Variants in RANBP2 observed in about 807,000 individuals in gnomAD.
RANBP2 encodes the protein E3 SUMO-protein ligase RanBP2.
A neutral mutation model predicts 303.6 loss-of-function variants in RANBP2; 57 were observed. That is an observed-to-expected ratio of 0.19 (90% CI 0.15 to 0.23). The LOEUF is 0.23. RANBP2 is among the 10% of genes least tolerant of loss of function. The pLI is 1.00. For synonymous variants in RANBP2, 1,167 were observed against 1,301.5 expected (o/e 0.90, Z 2.23); for missense variants, 3,138 against 3,780.8 (o/e 0.83, Z 4.46).
chr2:109,549,909 T>C, the RANBP2 span, among the ~76,000 whole-genome samples: 48,398 of 152,104 alleles, frequency 0.32, 8,876 homozygotes, highest in Middle Eastern at 0.51. Context: ...TAGTTGACCA[T>C]GGGTAACTGA....
the RANBP2 span, among the ~76,000 whole-genome samples, chr2:109,520,468 C>T: frequency 6.6e-6 from 1 of 151,268 alleles, no homozygotes; most frequent in African/African-American, 2.4e-5. Flanking sequence ...GGGGTGGTGG[C>T]ACATGCCTGT....
At chr2:109,203,468 C>T in the RANBP2 span, among the ~76,000 whole-genome samples, 4 of 152,182 alleles carry the variant, frequency 2.6e-5, no homozygotes, top group Admixed American at 6.5e-5. Flanking sequence ...TTCTTTAAGT[C>T]GCTTCTTAGT....
chr2:109,157,634 C>T, the RANBP2 span, among the ~76,000 whole-genome samples: 2 of 152,136 alleles, frequency 1.3e-5, no homozygotes, highest in African/African-American at 2.4e-5. Flanking sequence ...TAGTGTGCTT[C>T]CTAGCCACCT....
At chr2:108,771,573 T>G in intron 20 of RANBP2, 128 bp from the exon 21 acceptor site, 1 of 1,455,960 alleles carries the variant, frequency 6.9e-7, no homozygotes, top group Non-Finnish European at 9.2e-7. Flanking sequence ...TGCATCAAAG[T>G]ATATGTGTTT....
the RANBP2 span, among the ~76,000 whole-genome samples, chr2:109,386,408 A>G: frequency 6.6e-6 from 1 of 152,108 alleles, no homozygotes; most frequent in African/African-American, 2.4e-5. Context: ...TGACTGTTAC[A>G]AGAAGTTTAA....
the RANBP2 span, among the ~76,000 whole-genome samples, chr2:108,948,469 TG>T: frequency 1.3e-5 from 2 of 152,200 alleles, no homozygotes; most frequent in Non-Finnish European, 2.9e-5. Context: ...GTTCTCACAC[TG>T]CTATAAAGAT....
the RANBP2 span, among the ~76,000 whole-genome samples, chr2:109,541,143 C>T: frequency 1.3e-5 from 2 of 152,166 alleles, 1 homozygote; most frequent in African/African-American, 4.8e-5. Context: ...TTCATGGTTA[C>T]CCTAGAGATG....
chr2:109,387,681 T>C, the RANBP2 span, among the ~76,000 whole-genome samples: 2 of 152,230 alleles, frequency 1.3e-5, no homozygotes, highest in Non-Finnish European at 1.5e-5. Flanking sequence ...TTTTCCTCCA[T>C]GTACTTCTCA....
At chr2:109,021,447 C>T in the RANBP2 span, among the ~76,000 whole-genome samples, 7 of 148,062 alleles carry the variant, frequency 4.7e-5, no homozygotes, top group Admixed American at 3.4e-4. Flanking sequence ...GGCGTGAACC[C>T]GGGAGGCGGA....
chr2:109,012,929 C>CA, the RANBP2 span, among the ~76,000 whole-genome samples: 11 of 151,910 alleles, frequency 7.2e-5, no homozygotes, highest in South Asian at 2.1e-4. Flanking sequence ...ACAACAACAA[C>CA]AAAAAAAACT....
the RANBP2 span, among the ~76,000 whole-genome samples, chr2:109,048,848 A>G: frequency 6.6e-6 from 1 of 152,172 alleles, no homozygotes; most frequent in South Asian, 2.1e-4. Context: ...CTGTATCTAG[A>G]CCATGAAAAC....
chr2:109,180,153 G>A, the RANBP2 span, among the ~76,000 whole-genome samples: 2 of 151,350 alleles, frequency 1.3e-5, no homozygotes, highest in Admixed American at 1.3e-4. Flanking sequence ...CAGTCACACA[G>A]CTGGGCCCTG....
chr2:109,604,180 G>C, the RANBP2 span, among the ~76,000 whole-genome samples: 1 of 116,536 alleles, frequency 8.6e-6, no homozygotes, highest in Non-Finnish European at 1.8e-5. Flanking sequence ...AAAAAAAAAA[G>C]AATTAAAAAA....
At chr2:109,165,333 A>T in the RANBP2 span, among the ~76,000 whole-genome samples, 1 of 152,096 alleles carries the variant, frequency 6.6e-6, no homozygotes, top group East Asian at 1.9e-4. Flanking sequence ...TCCCTCCCTC[A>T]TCCTTCCTGC....
At chr2:108,809,394 A>G in the RANBP2 span, among the ~76,000 whole-genome samples, 3 of 151,864 alleles carry the variant, frequency 2.0e-5, no homozygotes, top group Non-Finnish European at 4.4e-5. Context: ...GAATCTGTAG[A>G]TGACTTTGGT....
the RANBP2 span, among the ~76,000 whole-genome samples, chr2:109,375,622 T>C: frequency 6.6e-6 from 1 of 152,202 alleles, no homozygotes; most frequent in Non-Finnish European, 1.5e-5. Flanking sequence ...GAGGAATTCC[T>C]CCTCCCCAGT....
intron 1 of RANBP2, among the ~76,000 whole-genome samples, chr2:108,728,459 A>G (rs1317702554): frequency 2.0e-5 from 3 of 151,706 alleles, no homozygotes; most frequent in South Asian, 2.1e-4. Context: ...ATGCCTGGCT[A>G]TTTTTTTCTC....
At chr2:109,198,844 C>G in the RANBP2 span, among the ~76,000 whole-genome samples, 1 of 152,204 alleles carries the variant, frequency 6.6e-6, no homozygotes, top group Non-Finnish European at 1.5e-5. Context: ...GGCTGCAGAC[C>G]TGTGCAGGAT....
At position 108,740,222 on chromosome 2, in the gene RANBP2, C is replaced by G. The variant is rs549827836; in HGVS notation, c.783-267C>G. 3.9e-5 allele frequency among the ~76,000 whole-genome samples: 6 copies of G among 152,214 alleles called. No individual in the cohort carries two copies. The South Asian group carries it at 1.0e-3, about 26-fold the overall frequency. On this transcript the variant is annotated intron_variant, in intron 6 of 28. Coordinates refer to ENST00000283195, the MANE Select transcript of RANBP2 (RefSeq NM_006267.5). ...TTATTTTGAAATGTGCACCTATAAT[C>G]ACTGATCTTATATTTATCCTGTGAT...
Sources: gnomAD v4.1 joint callset for allele counts (sites outside exome capture counted in the v4.1 genomes callset) on GRCh38, gnomAD v4.1.1 for gene constraint, MANE v1.5 for transcripts, NCBI Gene and HGNC (gene_info 2026-07-23, HGNC 2026-07-21) for gene names.